Variants in COLEC10 observed in about 807,000 individuals in gnomAD.
COLEC10 encodes the protein collectin subfamily member 10, also known as collectin-10.
In COLEC10, 22 loss-of-function variants were observed where a neutral mutation model predicts 28.4. The observed-to-expected ratio is 0.78, with a 90% CI of 0.55 to 1.11. The LOEUF is 1.11. Among genes scored for constraint, COLEC10 ranks in the 50% least tolerant of loss-of-function variants. The pLI is 0.00. For synonymous variants in COLEC10, 125 were observed against 116.1 expected (o/e 1.08, Z -0.49); for missense variants, 361 against 344.1 (o/e 1.05, Z -0.39).
intron 1 of COLEC10, among the ~76,000 whole-genome samples, chr8:119,081,550 C>G (rs1445274732): frequency 6.6e-6 from 1 of 151,938 alleles, no homozygotes; most frequent in Non-Finnish European, 1.5e-5. Context: ...CTTCTCTAAA[C>G]AGATTAATTG....
chr8:119,021,202 C>T (rs1235137553), intron 2 of COLEC10, among the ~76,000 whole-genome samples: 7 of 152,086 alleles, frequency 4.6e-5, no homozygotes, highest in Non-Finnish European at 1.0e-4. Flanking sequence ...AATGTTAGCT[C>T]CATTTATATT....
chr8:119,057,265 A>T (rs557297547), intron 2 of COLEC10, among the ~76,000 whole-genome samples: 1 of 152,160 alleles, frequency 6.6e-6, no homozygotes, highest in South Asian at 2.1e-4. Flanking sequence ...TGAAGAAAGT[A>T]CTTGCTTCTC....
chr8:118,999,284 C>T (rs1412473919), intron 1 of COLEC10, among the ~76,000 whole-genome samples: 2 of 151,970 alleles, frequency 1.3e-5, no homozygotes, highest in Admixed American at 1.3e-4. Flanking sequence ...GAGGACTAAG[C>T]CCTAGGATGT....
chr8:119,006,174 G>A (rs4397431), intron 1 of COLEC10, among the ~76,000 whole-genome samples: 95,343 of 151,820 alleles, frequency 0.63, 30,992 homozygotes, highest in African/African-American at 0.79. Context: ...CAGGGTCCAG[G>A]TGCTCAGGAG....
chr8:119,027,098 A>C (rs1456505033), intron 2 of COLEC10, among the ~76,000 whole-genome samples: 1 of 152,192 alleles, frequency 6.6e-6, no homozygotes, highest in Non-Finnish European at 1.5e-5. Context: ...GCTATAAAAC[A>C]GGAATAACAA....
chr8:119,107,997 G>T lies in COLEC10; in HGVS notation c.*1806G>T, dbSNP rs554461195. Among the ~76,000 whole-genome samples, 3 of 152,240 alleles carry T rather than the reference G, an allele frequency of 2.0e-5. No homozygotes were observed. Among genetic ancestry groups the T allele is most frequent in the African/African-American group, 7.2e-5 (3 of 41,550 alleles). On this transcript the variant is annotated 3_prime_UTR_variant, in exon 6 of 6. Transcript: ENST00000332843. ...TTACTTCTGGAGGAAGGTTCAGAAG[G>T]TTCTAACCAAATAGAATGTCATTAG...
intron 2 of COLEC10, among the ~76,000 whole-genome samples, chr8:119,038,942 T>C (rs896889790): frequency 3.9e-5 from 6 of 152,096 alleles, no homozygotes; most frequent in African/African-American, 1.4e-4. Flanking sequence ...CTAATTACTA[T>C]TATACATAGA....
chr8:118,968,297 G>A, the COLEC10 span, among the ~76,000 whole-genome samples: 1 of 151,632 alleles, frequency 6.6e-6, no homozygotes, highest in Non-Finnish European at 1.5e-5. Context: ...TGTCATTTGG[G>A]TGTGGAGTTA....
intron 1 of COLEC10, among the ~76,000 whole-genome samples, chr8:118,997,086 T>G (rs1374779317): frequency 6.6e-6 from 1 of 152,226 alleles, no homozygotes; most frequent in Non-Finnish European, 1.5e-5. Flanking sequence ...CCATATCACC[T>G]TCTTTGGATA....
intron 3 of COLEC10, among the ~76,000 whole-genome samples, chr8:119,101,952 G>C (rs1282526547): frequency 6.6e-6 from 1 of 151,878 alleles, no homozygotes. Context: ...GCTGAGAATT[G>C]TATTAGCCTT....
intron 2 of COLEC10, among the ~76,000 whole-genome samples, chr8:119,047,152 G>T (rs1337827701): frequency 6.6e-6 from 1 of 152,122 alleles, no homozygotes; most frequent in African/African-American, 2.4e-5. Context: ...CATCTCAAAA[G>T]AAATAATACA....
intron 1 of COLEC10, among the ~76,000 whole-genome samples, chr8:119,003,128 G>C (rs1813730155): frequency 6.6e-6 from 1 of 152,076 alleles, no homozygotes; most frequent in Admixed American, 6.6e-5. Flanking sequence ...TCTTTGCATT[G>C]CCAATTTTTA....
chr8:119,061,202 C>T (rs2130195996), intron 2 of COLEC10, among the ~76,000 whole-genome samples: 1 of 151,910 alleles, frequency 6.6e-6, no homozygotes, highest in Admixed American at 6.6e-5. Flanking sequence ...TGGAGAAATA[C>T]ACCAGAAATT....
the COLEC10 span, among the ~76,000 whole-genome samples, chr8:118,965,580 T>C: frequency 6.6e-6 from 1 of 151,924 alleles, no homozygotes; most frequent in African/African-American, 2.4e-5. Flanking sequence ...TGGGAAAGTG[T>C]GTGCCTGGCA....
At chr8:118,957,179 T>C in the COLEC10 span, among the ~76,000 whole-genome samples, 1 of 152,216 alleles carries the variant, frequency 6.6e-6, no homozygotes, top group African/African-American at 2.4e-5. Context: ...ACTTAGTATA[T>C]ACTGATGCCA....
chr8:119,081,460 T>G (rs1020955116), intron 1 of COLEC10, among the ~76,000 whole-genome samples: 1 of 152,226 alleles, frequency 6.6e-6, no homozygotes. Flanking sequence ...ATCATTCGTT[T>G]ATAAACTTTG....
chr8:118,969,991 A>T, the COLEC10 span, among the ~76,000 whole-genome samples: 10,441 of 152,024 alleles, frequency 0.069, 635 homozygotes, highest in East Asian at 0.16. Flanking sequence ...TTTCTCTGTC[A>T]ATGTGGAAAG....
chr8:119,023,848 G>A (rs1814138737), intron 2 of COLEC10, among the ~76,000 whole-genome samples: 1 of 152,116 alleles, frequency 6.6e-6, no homozygotes, highest in African/African-American at 2.4e-5. Context: ...GGCAAAAGCA[G>A]GATTTTTAAT....
chr8:119,090,090 ATTT>A (rs3214976), intron 2 of COLEC10, among the ~76,000 whole-genome samples: 2 of 151,314 alleles, frequency 1.3e-5, no homozygotes, highest in African/African-American at 4.8e-5. Context: ...GCTAAGCAGC[ATTT>A]TTTTTTTAAG....
Sources: gnomAD v4.1 joint callset for allele counts (sites outside exome capture counted in the v4.1 genomes callset) on GRCh38, gnomAD v4.1.1 for gene constraint, MANE v1.5 for transcripts, NCBI Gene and HGNC (gene_info 2026-07-23, HGNC 2026-07-21) for gene names.